RASGRF2: variants seen among roughly 807,000 people sequenced by gnomAD.
RASGRF2 encodes the protein Ras protein specific guanine nucleotide releasing factor 2.
Under a neutral mutation model 151.0 loss-of-function variants are expected in RASGRF2, and 76 were observed. That is an observed-to-expected ratio of 0.50 (90% confidence interval 0.42 to 0.61). The LOEUF (loss-of-function observed/expected upper bound fraction) is 0.61. Ranked by LOEUF, RASGRF2 falls within the 20% of genes least tolerant of loss-of-function variation. The pLI is 0.00. For missense variants in RASGRF2, 1,148 were observed against 1,564.6 expected (o/e 0.73, Z 4.49); for synonymous variants, 504 against 566.5 (o/e 0.89, Z 1.57).
intron 2 of RASGRF2, among the ~76,000 whole-genome samples, chr5:81,048,280 G>GTAT (rs965153838): frequency 2.6e-5 from 4 of 151,974 alleles, no homozygotes; most frequent in Non-Finnish European, 4.4e-5. Context: ...TTCATTTAAG[G>GTAT]TATTATTATT....
intron 17 of RASGRF2, among the ~76,000 whole-genome samples, chr5:81,144,244 A>G (rs1045684377): frequency 2.0e-5 from 3 of 152,226 alleles, no homozygotes; most frequent in Admixed American, 1.3e-4. Context: ...ATGGAAACAT[A>G]CTGCTTTTAT....
intron 1 of RASGRF2, among the ~76,000 whole-genome samples, chr5:81,020,566 G>C (rs890528247): frequency 5.3e-5 from 8 of 152,052 alleles, no homozygotes; most frequent in African/African-American, 1.9e-4. Flanking sequence ...CACAGGACAG[G>C]GCTGGCTGGG....
At chr5:81,003,245 C>G (rs1405035516) in intron 1 of RASGRF2, among the ~76,000 whole-genome samples, 2 of 117,304 alleles carry the variant, frequency 1.7e-5, no homozygotes, top group African/African-American at 3.2e-5. Context: ...TTTTTTGAGA[C>G]GGAGTCTCAC....
At chr5:80,996,500 TCTTCCTCCTCCTCCTCCTCCC>T (rs1748868820) in intron 1 of RASGRF2, among the ~76,000 whole-genome samples, 4 of 79,514 alleles carry the variant, frequency 5.0e-5, no homozygotes, top group Non-Finnish European at 7.3e-5. Context: ...TTCTTCTTCT[TCTTCCTCCTCCTCCTCCTCCC>T]CCTCCTCCTC....
chr5:81,198,374 TTC>T lies in RASGRF2; in HGVS notation c.2794-2954_2794-2953del, dbSNP rs1478947688. 2.0e-5 allele frequency among the ~76,000 whole-genome samples: 3 copies of T among 152,344 alleles called. No homozygotes were observed. In the East Asian group the frequency reaches 5.8e-4, roughly 29 times the overall value. ...AAGTGAAAACATGTGATATTTGGTT[TTC>T]TGTTTCTGCATTAGTTTGCTTAGGA... is the stretch of plus-strand genomic sequence containing the variant. On this transcript the variant is annotated intron_variant, in intron 18 of 26. Coordinates refer to ENST00000265080, the MANE Select transcript of RASGRF2 (RefSeq NM_006909.3).
chr5:81,077,300 A>G (rs1388115252), intron 5 of RASGRF2, among the ~76,000 whole-genome samples: 2 of 152,148 alleles, frequency 1.3e-5, no homozygotes, highest in Non-Finnish European at 2.9e-5. Context: ...ACCGAGGTCA[A>G]TGGAGGACAA....
chr5:81,201,348 G>A lies in RASGRF2; in HGVS notation c.2812G>A (p.Glu938Lys). ...KHAQDFELNNELKMNVLNLLE... is the reference protein window; with the variant it reads ...KHAQDFELNNKLKMNVLNLLE... ...TTTACAGGATTTCGAACTCAACAAT[G>A]AACTAAAGATGAATGTCCTAAATTT... The change falls in exon 19 of 27, where the codon GAA becomes AAA. Residue 938 changes from glutamate to lysine, a missense_variant. By Grantham distance (56) the Glu-to-Lys change is moderately conservative. Coordinates refer to ENST00000265080, the MANE Select transcript of RASGRF2 (RefSeq NM_006909.3). 1 of 1,612,264 alleles carries A rather than the reference G, an allele frequency of 6.2e-7. No individual in the cohort carries two copies. The highest frequency in any genetic ancestry group is 8.5e-7 in the Non-Finnish European group (1 of 1,179,518).
intron 1 of RASGRF2, among the ~76,000 whole-genome samples, chr5:81,028,520 C>T (rs956345409): frequency 6.6e-6 from 1 of 151,814 alleles, no homozygotes; most frequent in East Asian, 1.9e-4. Flanking sequence ...TTAAAAAGTA[C>T]ATTTGGGACT....
At chr5:81,055,550 T>G (rs1258791201) in intron 2 of RASGRF2, among the ~76,000 whole-genome samples, 1 of 152,232 alleles carries the variant, frequency 6.6e-6, no homozygotes, top group Non-Finnish European at 1.5e-5. Flanking sequence ...TTGAGGATTT[T>G]TGCATCGATG....
At chr5:81,180,619 G>T (rs1217813557) in intron 18 of RASGRF2, among the ~76,000 whole-genome samples, 1 of 152,080 alleles carries the variant, frequency 6.6e-6, no homozygotes, top group Non-Finnish European at 1.5e-5. Flanking sequence ...TTTTCACAGG[G>T]TCTTCTCTGT....
intron 1 of RASGRF2, among the ~76,000 whole-genome samples, chr5:81,011,571 G>A (rs1415704711): frequency 2.0e-5 from 3 of 151,842 alleles, no homozygotes; most frequent in Non-Finnish European, 2.9e-5. Flanking sequence ...GAGAAACCCC[G>A]TCTCTACTAA....
intron 17 of RASGRF2, among the ~76,000 whole-genome samples, chr5:81,146,601 A>G (rs1283951392): frequency 2.6e-5 from 4 of 152,116 alleles, no homozygotes; most frequent in African/African-American, 9.7e-5. Context: ...AATTGTTGTG[A>G]CTAGAACCGG....
At chr5:81,000,601 A>G (rs1044540740) in intron 1 of RASGRF2, among the ~76,000 whole-genome samples, 7 of 152,342 alleles carry the variant, frequency 4.6e-5, no homozygotes, top group Admixed American at 1.3e-4. Flanking sequence ...TAAGTCATTA[A>G]CAATAATTTA....
intron 2 of RASGRF2, among the ~76,000 whole-genome samples, chr5:81,062,325 C>G (rs572413386): frequency 3.9e-5 from 6 of 152,212 alleles, no homozygotes; most frequent in African/African-American, 1.4e-4. Flanking sequence ...GTTTTTGTTA[C>G]TTACATATTT....
At chr5:80,985,770 G>A (rs978652399) in intron 1 of RASGRF2, among the ~76,000 whole-genome samples, 2 of 152,188 alleles carry the variant, frequency 1.3e-5, no homozygotes, top group African/African-American at 4.8e-5. Flanking sequence ...TGTGGAGGGG[G>A]TGGAGTATTA....
At chr5:81,094,210 C>A in intron 10 of RASGRF2, 86 bp from the exon 11 acceptor site, 1 of 1,053,562 alleles carries the variant, frequency 9.5e-7, no homozygotes, top group Non-Finnish European at 1.4e-6. Context: ...TCTTCCATGG[C>A]AACTTGAATA....
chr5:81,076,966 A>T (rs1177573290), intron 5 of RASGRF2, among the ~76,000 whole-genome samples: 1 of 152,072 alleles, frequency 6.6e-6, no homozygotes, highest in Non-Finnish European at 1.5e-5. Flanking sequence ...ATTAATTAGG[A>T]TTGGTGTTGT....
At chr5:80,981,800 G>A (rs1019886061) in intron 1 of RASGRF2, among the ~76,000 whole-genome samples, 5 of 152,058 alleles carry the variant, frequency 3.3e-5, no homozygotes, top group African/African-American at 7.2e-5. Flanking sequence ...TCCTGGCCTC[G>A]AGTGATCCAC....
At chr5:81,142,949 G>T (rs1753918918) in intron 17 of RASGRF2, among the ~76,000 whole-genome samples, 1 of 151,942 alleles carries the variant, frequency 6.6e-6, no homozygotes, top group South Asian at 2.1e-4. Flanking sequence ...GTAGTAAATT[G>T]CTCTCAGGAT....
Sources: gnomAD v4.1 joint callset for allele counts (sites outside exome capture counted in the v4.1 genomes callset) on GRCh38, gnomAD v4.1.1 for gene constraint, MANE v1.5 for transcripts, NCBI Gene and HGNC (gene_info 2026-07-23, HGNC 2026-07-21) for gene names.